Variants in RNF220 observed in about 807,000 individuals in gnomAD.
RNF220 encodes ring finger protein 220.
Under a neutral mutation model 67.1 loss-of-function variants are expected in RNF220, and 7 were observed. The observed-to-expected ratio is 0.10, with a 90% CI of 0.06 to 0.20. The LOEUF is 0.20. Ranked by LOEUF, RNF220 falls within the 10% of genes least tolerant of loss-of-function variation. RNF220 has a pLI of 1.00. For synonymous variants in RNF220, 270 were observed against 283.2 expected, an observed-to-expected ratio of 0.95 and a Z score of 0.47; for missense variants, 565 against 740.3, an observed-to-expected ratio of 0.76 and a Z score of 2.75.
At chr1:44,527,787 A>G (rs1558013240) in intron 2 of RNF220, among the ~76,000 whole-genome samples, 1 of 151,770 alleles carries the variant, frequency 6.6e-6, no homozygotes, top group African/African-American at 2.4e-5. Flanking sequence ...TTAGCCAGGC[A>G]TGGTGGCAGG....
chr1:44,455,786 G>A (rs1653116661), intron 2 of RNF220, among the ~76,000 whole-genome samples: 1 of 152,166 alleles, frequency 6.6e-6, no homozygotes, highest in Non-Finnish European at 1.5e-5. Flanking sequence ...ATACAACACA[G>A]ATTGTTTTGG....
At chr1:44,518,031 C>T (rs183725501) in intron 2 of RNF220, among the ~76,000 whole-genome samples, 187 of 152,294 alleles carry the variant, frequency 1.2e-3, no homozygotes, top group African/African-American at 4.3e-3. Flanking sequence ...CACTTGAACC[C>T]GGGAGGCGGA....
At chr1:44,599,606 G>A (rs1221579078) in intron 2 of RNF220, among the ~76,000 whole-genome samples, 1 of 152,198 alleles carries the variant, frequency 6.6e-6, no homozygotes, top group African/African-American at 2.4e-5. Context: ...GCAGTGAGCT[G>A]TGATTGTGCT....
At chr1:44,482,757 G>A (rs957375993) in intron 2 of RNF220, among the ~76,000 whole-genome samples, 2 of 151,968 alleles carry the variant, frequency 1.3e-5, no homozygotes, top group African/African-American at 2.4e-5. Context: ...GTGTAGCTGG[G>A]ATTACAGGCA....
intron 2 of RNF220, among the ~76,000 whole-genome samples, chr1:44,442,195 A>T (rs1651626058): frequency 6.6e-6 from 1 of 151,986 alleles, no homozygotes; most frequent in Non-Finnish European, 1.5e-5. Flanking sequence ...TGGCATGCTC[A>T]TGGCTCACTG....
At chr1:44,551,528 C>G (rs1251076458) in intron 2 of RNF220, among the ~76,000 whole-genome samples, 1 of 152,084 alleles carries the variant, frequency 6.6e-6, no homozygotes, top group Non-Finnish European at 1.5e-5. Context: ...AAGGTATAAA[C>G]TTTTAAAAAG....
rs572626008 is a variant in RNF220, at chr1:44,605,899, C to T, written c.626-8266C>T. On this transcript the variant is annotated intron_variant, in intron 2 of 14. Coordinates refer to ENST00000361799, the MANE Select transcript of RNF220 (RefSeq NM_018150.4). Reference sequence around the variant, plus strand: ...AATGTCACCTCTGCCCCACGGGCACCGGCCACTACCCTGGGGTCTGGGCAA... The same window carrying T: ...AATGTCACCTCTGCCCCACGGGCACTGGCCACTACCCTGGGGTCTGGGCAA... Among the ~76,000 whole-genome samples the T allele has an allele frequency of 2.1e-4, 32 of 152,280 alleles. No homozygotes were observed. In the South Asian group the frequency reaches 3.5e-3, roughly 17 times the overall value.
intron 2 of RNF220, among the ~76,000 whole-genome samples, chr1:44,463,745 T>G (rs1654011330): frequency 6.6e-6 from 1 of 152,210 alleles, no homozygotes; most frequent in Non-Finnish European, 1.5e-5. Context: ...TTTCTTTGTT[T>G]TTAGACTAAC....
rs118113536 is a variant in RNF220 at position 44,641,581 on chromosome 1, G to A, written c.1127-3117G>A. On this transcript the variant is annotated intron_variant, in intron 8 of 14. Coordinates refer to ENST00000361799, the MANE Select transcript of RNF220 (RefSeq NM_018150.4). ...AGCCTTCCTCTCCAAGCGGGAGGGG[G>A]GGCAAGCTGGCGGGGGCGCTGTCTG... Among the ~76,000 whole-genome samples the A allele has an allele frequency of 3.7e-3, 557 of 152,330 alleles. 5 individuals carry two copies. Among genetic ancestry groups the A allele is most frequent in the African/African-American group, 0.012 (493 of 41,578 alleles).
At position 44,632,327 on chromosome 1, in the gene RNF220, C is replaced by G. The variant is rs1045579351; in HGVS notation, c.907-16C>G. On this transcript the variant is annotated splice_polypyrimidine_tract_variant and intron_variant, in intron 5 of 14. Transcript: ENST00000361799. ...TCTCTTTTCTTTTCTTGCATCTGCC[C>G]GCGATCTTCTCCCAGACCTTTCTGC... The G allele has an allele frequency of 4.3e-6, 7 of 1,614,116 alleles. No homozygotes were observed. The highest frequency in any genetic ancestry group is 1.3e-5 in the African/African-American group (1 of 75,052).
intron 2 of RNF220, among the ~76,000 whole-genome samples, chr1:44,552,882 A>G (rs997159911): frequency 6.6e-6 from 1 of 152,042 alleles, no homozygotes; most frequent in Admixed American, 6.5e-5. Flanking sequence ...AAACTTCTTA[A>G]TGCAGCCTAG....
chr1:44,490,201 C>T (rs866382942), intron 2 of RNF220, among the ~76,000 whole-genome samples: 3 of 152,126 alleles, frequency 2.0e-5, no homozygotes, highest in Admixed American at 6.6e-5. Context: ...GGCGTGGTGG[C>T]TCATGCCTGG....
At chr1:44,591,913 ACCT>A (rs746432451) in intron 2 of RNF220, among the ~76,000 whole-genome samples, 10 of 150,164 alleles carry the variant, frequency 6.7e-5, no homozygotes, top group Admixed American at 2.0e-4. Flanking sequence ...CCGAGCCCTG[ACCT>A]CCTCCTCCTC....
At chr1:44,588,601 A>T (rs1665880970) in intron 2 of RNF220, among the ~76,000 whole-genome samples, 1 of 150,804 alleles carries the variant, frequency 6.6e-6, no homozygotes, top group Non-Finnish European at 1.5e-5. Flanking sequence ...TTTCAAATCC[A>T]AATAGATATA....
chr1:44,622,142 C>T lies in RNF220; in HGVS notation c.759-600C>T, dbSNP rs910601914. On this transcript the variant is annotated intron_variant, in intron 3 of 14. Coordinates refer to ENST00000361799, the MANE Select transcript of RNF220 (RefSeq NM_018150.4). The surrounding 1 kb of genome is among the most constrained non-coding windows in gnomAD (Gnocchi z 4.3). ...CAATTTTGTTATTAAACACAGTCCTCGCCTCCCCCACAGCCCATCCATCAC... is the reference window on the plus strand; with the variant it reads ...CAATTTTGTTATTAAACACAGTCCTTGCCTCCCCCACAGCCCATCCATCAC... Among the ~76,000 whole-genome samples the T allele has an allele frequency of 2.6e-5, 4 of 152,202 alleles. No homozygotes were observed. Among genetic ancestry groups the T allele is most frequent in the African/African-American group, 7.2e-5 (3 of 41,442 alleles).
At chr1:44,477,445 G>A (rs1655394839) in intron 2 of RNF220, among the ~76,000 whole-genome samples, 1 of 152,212 alleles carries the variant, frequency 6.6e-6, no homozygotes. Flanking sequence ...GTTAAGGCCT[G>A]CAATGAGCAA....
At position 44,636,279 on chromosome 1, in the gene RNF220, G is replaced by A. The variant is rs1485273378; in HGVS notation, c.1126+117G>A. The A allele has an allele frequency of 1.3e-4, 177 of 1,350,926 alleles. 4 individuals carry two copies. Among genetic ancestry groups the A allele is most frequent in the South Asian group, 1.1e-3 (89 of 82,074 alleles). 83.7% of individuals were successfully genotyped at this position (1,350,926 alleles called of 1,614,324 possible). On this transcript the variant is annotated intron_variant, in intron 8 of 14. Coordinates refer to ENST00000361799, the MANE Select transcript of RNF220 (RefSeq NM_018150.4). ...GCTGGTCATCCATCCGTTCCACCAC[G>A]TGGGGACTGCTGCTGGTGGGGCTCC...
intron 2 of RNF220, among the ~76,000 whole-genome samples, chr1:44,492,964 C>T (rs1311078527): frequency 6.6e-6 from 1 of 151,060 alleles, no homozygotes. Context: ...CATTATGTTG[C>T]TCAGGCTGGA....
chr1:44,405,357 A>G lies in RNF220; in HGVS notation c.-291A>G. The G allele has an allele frequency of 1.7e-6, 1 of 592,104 alleles. No homozygotes were observed. The highest frequency in any genetic ancestry group is 3.0e-6 in the Non-Finnish European group (1 of 333,626). The allele number at this position is 592,104 out of a possible 1,614,324, so 36.7% of individuals were successfully genotyped here. ...GCAATCCCAGGCAGCTCGCGAACAC[A>G]AACCCGGGGCCAGCCGCCTACTGCT... On this transcript the variant is annotated 5_prime_UTR_variant, in exon 1 of 15. Transcript: ENST00000361799.
Sources: allele counts gnomAD v4.1 joint callset (sites outside exome capture counted in the v4.1 genomes callset), GRCh38; gene constraint gnomAD v4.1.1; non-coding constraint Gnocchi (gnomAD v3.1); transcripts MANE v1.5; gene names NCBI Gene and HGNC (gene_info 2026-07-23, HGNC 2026-07-21).